Variants in ANKRD17 observed in about 807,000 individuals in gnomAD.
ANKRD17 encodes the protein ankyrin repeat domain-containing protein 17.
ANKRD17 carries 19 observed loss-of-function variants against 229.7 expected under a neutral mutation model. That is an observed-to-expected ratio of 0.08 (90% CI 0.06 to 0.12). The LOEUF (loss-of-function observed/expected upper bound fraction) is 0.12, where lower values mean the gene tolerates loss of function less well. Among genes scored for constraint, ANKRD17 ranks in the 10% least tolerant of loss-of-function variants. ANKRD17 has a pLI of 1.00. For synonymous variants in ANKRD17, 1,112 were observed against 1,146.1 expected (o/e 0.97, Z 0.60); for missense variants, 2,176 against 3,176.8 (o/e 0.68, Z 7.57).
At chr4:73,184,495 C>T (rs1227470269) in intron 1 of ANKRD17, among the ~76,000 whole-genome samples, 1 of 143,572 alleles carries the variant, frequency 7.0e-6, no homozygotes, top group African/African-American at 2.6e-5. Flanking sequence ...CGCCATTGCA[C>T]CCAGCCTGAG....
chr4:73,248,364 A>C (rs1744688924), intron 1 of ANKRD17, among the ~76,000 whole-genome samples: 1 of 152,070 alleles, frequency 6.6e-6, no homozygotes, highest in African/African-American at 2.4e-5. Context: ...CAGTTACACC[A>C]AAAATGAACA....
chr4:73,161,622 C>T (rs1240298779), intron 2 of ANKRD17, among the ~76,000 whole-genome samples: 1 of 152,162 alleles, frequency 6.6e-6, no homozygotes, highest in African/African-American at 2.4e-5. Context: ...TAGACTCTGT[C>T]ATATCTCTGA....
Position 73,076,889 on chromosome 4 carries a change from G to C in ANKRD17, c.7752+51C>G, listed in dbSNP as rs759408509. ...AGTTACCTGAATCCTATTTGTCTTT[G>C]CATTTCTTAAACACAAAACAACTGT... is the stretch of plus-strand genomic sequence containing the variant. On this transcript the variant is annotated intron_variant, in intron 33 of 33. Transcript: ENST00000358602. 5 of 1,540,690 alleles carry C rather than the reference G, an allele frequency of 3.2e-6. No homozygotes were observed. In the South Asian group the frequency reaches 6.4e-5, roughly 20 times the overall value.
intron 1 of ANKRD17, among the ~76,000 whole-genome samples, chr4:73,235,238 A>C (rs963778763): frequency 1.3e-5 from 2 of 152,164 alleles, no homozygotes; most frequent in African/African-American, 4.8e-5. Context: ...CACTATACCT[A>C]GGTCTGGCTA....
intron 24 of ANKRD17, chr4:73,113,173 T>C: frequency 7.9e-7 from 1 of 1,273,222 alleles, no homozygotes; most frequent in Non-Finnish European, 1.0e-6. Context: ...ACTATTCAGT[T>C]AAGTTCTAGA....
At chr4:73,126,632 T>C (rs1334900210) in intron 16 of ANKRD17, among the ~76,000 whole-genome samples, 1 of 152,264 alleles carries the variant, frequency 6.6e-6, no homozygotes, top group Non-Finnish European at 1.5e-5. Context: ...TGCCTTCTGC[T>C]AATGATAATG....
chr4:73,103,743 C>T (rs1158723909), intron 24 of ANKRD17, among the ~76,000 whole-genome samples: 1 of 151,812 alleles, frequency 6.6e-6, no homozygotes, highest in Admixed American at 6.6e-5. Context: ...ATTTAGTTTT[C>T]ATTCAAAAAA....
Position 73,147,981 on chromosome 4 carries a change from A to G in ANKRD17, c.1568-549T>C, listed in dbSNP as rs139508927. Among the ~76,000 whole-genome samples the G allele has an allele frequency of 8.5e-5, 13 of 152,212 alleles. No homozygotes were observed. In the South Asian group the frequency reaches 2.7e-3, roughly 32 times the overall value. ...AGCACTTAACAGGCACTACATGACAAGCACTGTTCTATTAGCTTTATACAC... is the reference window on the plus strand; with the variant it reads ...AGCACTTAACAGGCACTACATGACAGGCACTGTTCTATTAGCTTTATACAC... On this transcript the variant is annotated intron_variant, in intron 8 of 33. Coordinates refer to ENST00000358602, the MANE Select transcript of ANKRD17 (RefSeq NM_032217.5).
At chr4:73,193,285 T>C (rs962692639) in intron 1 of ANKRD17, among the ~76,000 whole-genome samples, 2 of 152,236 alleles carry the variant, frequency 1.3e-5, no homozygotes, top group Admixed American at 6.5e-5. Flanking sequence ...CATATGGATG[T>C]ATCACAATTT....
At chr4:73,126,822 C>T (rs1284837705) in intron 16 of ANKRD17, among the ~76,000 whole-genome samples, 2 of 152,130 alleles carry the variant, frequency 1.3e-5, no homozygotes, top group African/African-American at 4.8e-5. Flanking sequence ...ATCTCTGCCT[C>T]CTGGGTTCAC....
At position 73,098,268 on chromosome 4, in the gene ANKRD17, C is replaced by A; in HGVS notation, c.4826G>T (p.Ser1609Ile). ...VNGESKSSSTSESGDSDNMRI... is the reference protein window; with the variant it reads ...VNGESKSSSTIESGDSDNMRI... ...CATGTTATCACTGTCCCCACTCTCG[C>A]TGGTACTGCTGCTCTTGGACTCTCC... Residue 1609 changes from serine (S) to isoleucine (I), a missense_variant, in exon 26 of 34, where the codon AGC becomes ATC. Ser to Ile is a moderately radical substitution (Grantham distance 142). This residue lies in a region of ANKRD17 where 4 missense variants were observed against 23.4 expected (regional missense o/e 0.17). Transcript: ENST00000358602. 1 of 1,614,226 alleles carries A rather than the reference C, an allele frequency of 6.2e-7. No homozygotes were observed. Among genetic ancestry groups the A allele is most frequent in the Non-Finnish European group, 8.5e-7 (1 of 1,180,036 alleles).
chr4:73,249,842 C>T (rs1744828236), intron 1 of ANKRD17, among the ~76,000 whole-genome samples: 1 of 151,912 alleles, frequency 6.6e-6, no homozygotes, highest in Admixed American at 6.6e-5. Flanking sequence ...GGAGACAGAG[C>T]GAGACTTCGT....
At chr4:73,102,241 G>T (rs1047167065) in intron 25 of ANKRD17, 135 bp downstream of exon 25, 2 of 886,628 alleles carry the variant, frequency 2.3e-6, no homozygotes, top group Non-Finnish European at 3.3e-6. Flanking sequence ...GGGATTACGG[G>T]CGTGAGCCAC....
intron 1 of ANKRD17, among the ~76,000 whole-genome samples, chr4:73,215,416 C>CT (rs1257640030): frequency 2.0e-5 from 3 of 152,130 alleles, no homozygotes; most frequent in Non-Finnish European, 4.4e-5. Flanking sequence ...CATGCCACTA[C>CT]ACCCAGCTAA....
chr4:73,222,263 A>C lies in ANKRD17; in HGVS notation c.393+36013T>G, dbSNP rs534858791. Among the ~76,000 whole-genome samples, 9 of 152,300 alleles carry C rather than the reference A, an allele frequency of 5.9e-5. No homozygotes were observed. The South Asian group carries it at 1.9e-3, about 32-fold the overall frequency. On this transcript the variant is annotated intron_variant, in intron 1 of 33. Coordinates refer to ENST00000358602, the MANE Select transcript of ANKRD17 (RefSeq NM_032217.5). ...CAATGCCAAAAGCAATTATAGTTTCACTTTGACATGTATTTCCTTGGACTG... is the reference window on the plus strand; with the variant it reads ...CAATGCCAAAAGCAATTATAGTTTCCCTTTGACATGTATTTCCTTGGACTG...
intron 1 of ANKRD17, among the ~76,000 whole-genome samples, chr4:73,227,433 G>A (rs565777935): frequency 6.6e-6 from 1 of 152,226 alleles, no homozygotes; most frequent in African/African-American, 2.4e-5. Flanking sequence ...GATTACAGGT[G>A]TGAGCCACCG....
At position 73,142,299 on chromosome 4, in the gene ANKRD17, A is replaced by G. The variant is rs769486433; in HGVS notation, c.2172T>C (p.Leu724=). 1 of 1,561,754 alleles carries G rather than the reference A, an allele frequency of 6.4e-7. No individual in the cohort carries two copies. Among genetic ancestry groups the G allele is most frequent in the Admixed American group, 2.4e-5 (1 of 42,164 alleles). The change falls in exon 13 of 34, where the codon CTT becomes CTC. Residue 724 remains leucine, a synonymous_variant. Coordinates refer to ENST00000358602, the MANE Select transcript of ANKRD17 (RefSeq NM_032217.5). ...GAGTGACATCTGGTGGAGGGGCTGA[A>G]AGCAAGTTATTAGGATAATCCAAGA... ...CYLLDYPNNL[L]SAPPPDVTQL...
rs768965213 is a variant in ANKRD17 at position 73,120,863 on chromosome 4, T to A, written c.3849+18A>T. The stretch of plus-strand genomic sequence containing the variant: ...TCAAAGCAATAAATTCATGTGTAAA[T>A]CTCAGACTTTTTCTTACCTTAGCTC... On this transcript the variant is annotated intron_variant, in intron 20 of 33. Transcript: ENST00000358602. The A allele has an allele frequency of 2.5e-6, 4 of 1,603,606 alleles. No individual in the cohort carries two copies. In the South Asian group the frequency reaches 4.4e-5, roughly 18 times the overall value.
At chr4:73,082,331 T>C (rs1380962667) in intron 30 of ANKRD17, among the ~76,000 whole-genome samples, 4 of 151,540 alleles carry the variant, frequency 2.6e-5, no homozygotes, top group African/African-American at 9.7e-5. Context: ...AAAAATAAAA[T>C]AAAAACATTA....
Sources: gnomAD v4.1 joint callset for allele counts (sites outside exome capture counted in the v4.1 genomes callset) on GRCh38, gnomAD v4.1.1 for gene constraint, gnomAD v4.1.1 regional missense constraint, MANE v1.5 for transcripts, NCBI Gene and HGNC (gene_info 2026-07-23, HGNC 2026-07-21) for gene names.